Variants in SANBR observed in about 807,000 individuals in gnomAD.
The protein encoded by SANBR is SANT and BTB domain regulator of CSR, also known as SANT and BTB domain regulator of class switch recombination.
In SANBR, 77 loss-of-function variants were observed where a neutral mutation model predicts 101.8. That is an observed-to-expected ratio of 0.76 (90% confidence interval 0.63 to 0.91). The LOEUF (loss-of-function observed/expected upper bound fraction) is 0.91. Ranked by LOEUF, SANBR falls within the 40% of genes least tolerant of loss-of-function variation. The pLI is 0.00. For missense variants in SANBR, 875 were observed against 853.0 expected (o/e 1.03, Z -0.32); for synonymous variants, 279 against 274.7 (o/e 1.02, Z -0.15).
chr2:61,130,352 C>T (rs1684649162), intron 20 of SANBR, among the ~76,000 whole-genome samples: 1 of 152,110 alleles, frequency 6.6e-6, no homozygotes, highest in Admixed American at 6.6e-5. Context: ...CTGAAACTGA[C>T]TCAGAAAGAG....
At chr2:61,096,526 C>T (rs1412385033) in intron 11 of SANBR, among the ~76,000 whole-genome samples, 1 of 152,202 alleles carries the variant, frequency 6.6e-6, no homozygotes, top group Admixed American at 6.5e-5. Context: ...CCATCGCAAG[C>T]AGCACCTGTG....
At chr2:61,117,173 T>A (rs1684114149) in intron 17 of SANBR, 184 bp from the exon 18 acceptor site, 1 of 599,308 alleles carries the variant, frequency 1.7e-6, no homozygotes, top group East Asian at 2.8e-5. Flanking sequence ...ACCTGTTTTA[T>A]TATGAAGATA....
At chr2:61,136,637 A>G (rs1036218134) in intron 21 of SANBR, among the ~76,000 whole-genome samples, 1 of 150,844 alleles carries the variant, frequency 6.6e-6, no homozygotes, top group Admixed American at 6.6e-5. Flanking sequence ...TCAAAAAAAA[A>G]AAAAGATGAT....
rs1458154804 is a variant in SANBR at position 61,076,963 on chromosome 2, AAAG to A, written c.480_482del (p.Glu160del). 2.5e-6 allele frequency: 4 copies of A among 1,614,018 alleles called. No individual in the cohort carries two copies. Among genetic ancestry groups the A allele is most frequent in the Non-Finnish European group, 3.4e-6 (4 of 1,180,020 alleles). Reference sequence around the variant, plus strand: ...TGTGTGTGATGAAGCAAAAAACTTGAAAGAAGATTTTACTTGCCCGCGAGATCT... The same window carrying A: ...TGTGTGTGATGAAGCAAAAAACTTGAAAGATTTTACTTGCCCGCGAGATCT... On this transcript the variant is annotated inframe_deletion, in exon 6 of 22. Transcript: ENST00000402291.
At chr2:61,119,348 A>G (rs527627361) in intron 20 of SANBR, among the ~76,000 whole-genome samples, 1 of 152,326 alleles carries the variant, frequency 6.6e-6, no homozygotes, top group South Asian at 2.1e-4. Flanking sequence ...TACAACACCA[A>G]AAGCATGATC....
chr2:61,115,037 G>T (rs1684008303), intron 16 of SANBR, among the ~76,000 whole-genome samples: 1 of 152,080 alleles, frequency 6.6e-6, no homozygotes, highest in Admixed American at 6.6e-5. Flanking sequence ...GTATTTTTCA[G>T]GTTTTGATAT....
At chr2:61,109,523 C>T (rs1424685673) in intron 16 of SANBR, among the ~76,000 whole-genome samples, 2 of 152,036 alleles carry the variant, frequency 1.3e-5, no homozygotes, top group African/African-American at 4.8e-5. Context: ...TCCAGGTTTT[C>T]ACTTCAGGTG....
intron 11 of SANBR, among the ~76,000 whole-genome samples, chr2:61,096,932 T>A (rs571341858): frequency 6.6e-6 from 1 of 152,278 alleles, no homozygotes; most frequent in Non-Finnish European, 1.5e-5. Context: ...AGCAGGCGGA[T>A]CACCTGAGGT....
At chr2:61,114,329 T>C (rs1683972447) in intron 16 of SANBR, among the ~76,000 whole-genome samples, 1 of 152,200 alleles carries the variant, frequency 6.6e-6, no homozygotes, top group Admixed American at 6.5e-5. Context: ...GCCACTAGAA[T>C]GTAATTACCG....
At chr2:61,104,263 A>G (rs892897091) in intron 13 of SANBR, among the ~76,000 whole-genome samples, 2 of 152,132 alleles carry the variant, frequency 1.3e-5, no homozygotes, top group Non-Finnish European at 2.9e-5. Context: ...CGGGCGGATC[A>G]CGAGGTCAGG....
At chr2:61,106,439 T>A in intron 13 of SANBR, 124 bp from the exon 14 acceptor site, 3 of 560,942 alleles carry the variant, frequency 5.3e-6, no homozygotes, top group Non-Finnish European at 6.3e-6. Context: ...TGACGTGATA[T>A]CCTTATACTC....
At chr2:61,081,950 G>A (rs549338373) in intron 7 of SANBR, among the ~76,000 whole-genome samples, 2 of 152,128 alleles carry the variant, frequency 1.3e-5, no homozygotes, top group East Asian at 3.9e-4. Context: ...CACCCAGCCA[G>A]AATACTCCTT....
At chr2:61,124,592 G>A (rs571906246), downstream of SANBR, among the ~76,000 whole-genome samples, 6 of 152,060 alleles carry the variant, frequency 3.9e-5, no homozygotes, top group East Asian at 1.2e-3. Context: ...TGTGGTCCCA[G>A]CTATTAGGGA....
chr2:61,101,842 G>C (rs1468041682), intron 12 of SANBR, among the ~76,000 whole-genome samples: 2 of 151,618 alleles, frequency 1.3e-5, no homozygotes, highest in African/African-American at 4.9e-5. Context: ...TTCAAGACCA[G>C]CCTGGCCAAC....
intron 5 of SANBR, among the ~76,000 whole-genome samples, chr2:61,076,601 C>T (rs1681793690): frequency 6.7e-6 from 1 of 148,768 alleles, no homozygotes; most frequent in South Asian, 2.1e-4. Flanking sequence ...GCAGTCCAGC[C>T]TGGGTGACAG....
intron 1 of SANBR, among the ~76,000 whole-genome samples, chr2:61,066,981 A>C (rs528101624): frequency 3.9e-5 from 6 of 152,184 alleles, no homozygotes; most frequent in African/African-American, 1.4e-4. Flanking sequence ...AGTGGATTTC[A>C]TAGTAATTTG....
rs1389947001 is a variant in SANBR, at chr2:61,124,138, T to G, written c.*1976T>G. The G allele has an allele frequency of 1.0e-6, 1 of 979,516 alleles. No individual in the cohort carries two copies. Among genetic ancestry groups the G allele is most frequent in the Non-Finnish European group, 1.2e-6 (1 of 824,540 alleles). 60.7% of individuals were successfully genotyped at this position (979,516 alleles called of 1,614,324 possible). The stretch of plus-strand genomic sequence containing the variant: ...AATGTGTTTTTAATTTTGTTAATGT[T>G]TGTCTGTTATACATAGCACTGGTAC... On this transcript the variant is annotated 3_prime_UTR_variant, in exon 22 of 22. Transcript: ENST00000402291.
At position 61,071,661 on chromosome 2, in the gene SANBR, A is replaced by C; in HGVS notation, c.206A>C (p.Gln69Pro). The change falls in exon 4 of 22, where the codon CAG becomes CCG. Residue 69 changes from glutamine to proline, a missense_variant. Coordinates refer to ENST00000402291, the MANE Select transcript of SANBR (RefSeq NM_001129993.3). The part of the protein sequence containing the change: ...KSSGSSPVDN[Q>P]YNSLMAAGES... ...AGTGGAAGCTCGCCTGTTGACAACC[A>C]GTATAATTCCCTAATGGCTGCTGGA... 6.3e-7 allele frequency: 1 copy of C among 1,590,470 alleles called. No individual in the cohort carries two copies.
chr2:61,113,479 A>G (rs1233332474), intron 16 of SANBR, among the ~76,000 whole-genome samples: 2 of 152,110 alleles, frequency 1.3e-5, no homozygotes, highest in South Asian at 2.1e-4. Flanking sequence ...CTCTCCATTT[A>G]TATAGGACTT....
Sources: allele counts gnomAD v4.1 joint callset (sites outside exome capture counted in the v4.1 genomes callset), GRCh38; gene constraint gnomAD v4.1.1; transcripts MANE v1.5; gene names NCBI Gene and HGNC (gene_info 2026-07-23, HGNC 2026-07-21).